HSD17B4: variants seen among roughly 807,000 people sequenced by gnomAD.
The protein encoded by HSD17B4 is hydroxysteroid 17-beta dehydrogenase 4, also known as peroxisomal multifunctional enzyme type 2.
HSD17B4 carries 70 observed loss-of-function variants against 101.0 expected under a neutral mutation model. The ratio of observed to expected loss-of-function variants is 0.69; its 90% confidence interval spans 0.57 to 0.85. The LOEUF (loss-of-function observed/expected upper bound fraction) is 0.85. Among genes scored for constraint, HSD17B4 ranks in the 40% least tolerant of loss-of-function variants. The probability of loss-of-function intolerance (pLI) is 0.00; values close to 1 mark genes in which losing one functional copy is unlikely to be tolerated. For synonymous variants in HSD17B4, 347 were observed against 297.1 expected, an observed-to-expected ratio of 1.17 and a Z score of -1.73; for missense variants, 984 against 892.4, an observed-to-expected ratio of 1.10 and a Z score of -1.31.
intron 13 of HSD17B4, among the ~76,000 whole-genome samples, chr5:119,500,465 C>A (rs890674024): frequency 6.6e-6 from 1 of 151,688 alleles, no homozygotes; most frequent in Non-Finnish European, 1.5e-5. Context: ...TATACATACA[C>A]ATTTATTTTA....
intron 17 of HSD17B4, among the ~76,000 whole-genome samples, chr5:119,515,322 T>G (rs1438361313): frequency 1.3e-5 from 2 of 152,134 alleles, no homozygotes; most frequent in African/African-American, 4.8e-5. Flanking sequence ...ATGGAGTGCT[T>G]TCTTTGGAGA....
At chr5:119,510,968 T>C (rs1358847992) in intron 16 of HSD17B4, among the ~76,000 whole-genome samples, 1 of 152,210 alleles carries the variant, frequency 6.6e-6, no homozygotes, top group Non-Finnish European at 1.5e-5. Flanking sequence ...GTGGAGACTT[T>C]ACCCTACCTG....
chr5:119,463,692 G>C (rs2546202), intron 2 of HSD17B4, among the ~76,000 whole-genome samples: 2 of 97,102 alleles, frequency 2.1e-5, no homozygotes, highest in Non-Finnish European at 3.9e-5. Context: ...TTTTAAGAAA[G>C]AGTGTTACTC....
intron 1 of HSD17B4, chr5:119,452,884 G>T (rs1754207757): frequency 6.5e-7 from 1 of 1,527,572 alleles, no homozygotes; most frequent in Non-Finnish European, 8.8e-7. Context: ...TGAGAGGAGA[G>T]GCCAGGCTGG....
chr5:119,495,802 C>G (rs1038916480), intron 11 of HSD17B4: 1 of 164,140 alleles, frequency 6.1e-6, no homozygotes, highest in Non-Finnish European at 1.3e-5. Flanking sequence ...TCCCAAGTAG[C>G]TGGGATTACA....
chr5:119,502,449 T>C (rs1286742681), intron 14 of HSD17B4, among the ~76,000 whole-genome samples: 1 of 152,142 alleles, frequency 6.6e-6, no homozygotes, highest in Non-Finnish European at 1.5e-5. Context: ...TTTATACTGA[T>C]TTTCATAAAG....
At chr5:119,503,339 A>G (rs1315048283) in intron 14 of HSD17B4, among the ~76,000 whole-genome samples, 1 of 152,156 alleles carries the variant, frequency 6.6e-6, no homozygotes, top group Non-Finnish European at 1.5e-5. Flanking sequence ...AGTGATGTGA[A>G]TAGGAAGGTG....
intron 12 of HSD17B4, 146 bp downstream of exon 12, chr5:119,496,792 A>C: frequency 1.3e-6 from 1 of 740,780 alleles, no homozygotes; most frequent in Non-Finnish European, 2.5e-6. Context: ...GGAGAGAAGC[A>C]GTGGCAGAGA....
At chr5:119,479,122 A>AT (rs1748876357) in intron 8 of HSD17B4, 101 bp downstream of exon 8, 4 of 882,774 alleles carry the variant, frequency 4.5e-6, no homozygotes, top group African/African-American at 1.7e-5. Flanking sequence ...AAAAATTATT[A>AT]TTTTTTTCAA....
At chr5:119,476,496 T>G in intron 6 of HSD17B4, 1 of 901,810 alleles carries the variant, frequency 1.1e-6, no homozygotes, top group Non-Finnish European at 1.3e-6. Flanking sequence ...GCATGGCAAC[T>G]GAGGTGAAAC....
chr5:119,526,235 T>G (rs973354932), intron 19 of HSD17B4, among the ~76,000 whole-genome samples: 1 of 151,634 alleles, frequency 6.6e-6, no homozygotes, highest in African/African-American at 2.4e-5. Context: ...CAGTTGCAAT[T>G]TTGACAGATT....
rs371682983 is a variant in HSD17B4, at chr5:119,502,106, A to C, written c.1261+14A>C. On this transcript the variant is annotated intron_variant, in intron 14 of 23. Coordinates refer to ENST00000510025, the MANE Select transcript of HSD17B4 (RefSeq NM_000414.4). ...TTCCCAGAGCAGGTGAGTTATTGAT[A>C]TACTAATTCCATAATACCATACTTT... 6.7e-7 allele frequency: 1 copy of C among 1,487,598 alleles called. No individual in the cohort carries two copies. The highest frequency in any genetic ancestry group is 9.4e-7 in the Non-Finnish European group (1 of 1,065,102). 92.1% of individuals were successfully genotyped at this position (1,487,598 alleles called of 1,614,324 possible).
chr5:119,479,475 T>C (rs1436713707), intron 8 of HSD17B4, among the ~76,000 whole-genome samples: 1 of 152,180 alleles, frequency 6.6e-6, no homozygotes, highest in African/African-American at 2.4e-5. Flanking sequence ...ATGGAGCCGT[T>C]ATGATAAGCT....
chr5:119,482,810 G>A (rs1479831474), intron 8 of HSD17B4, among the ~76,000 whole-genome samples: 2 of 152,050 alleles, frequency 1.3e-5, no homozygotes, highest in Non-Finnish European at 2.9e-5. Flanking sequence ...ATTGGGGAGG[G>A]GAAGTGTTCT....
intron 2 of HSD17B4, among the ~76,000 whole-genome samples, chr5:119,463,351 C>T (rs563395082): frequency 4.5e-4 from 69 of 152,236 alleles, no homozygotes; most frequent in African/African-American, 1.6e-3. Flanking sequence ...TACTGATTTC[C>T]TTTCCTTTGG....
intron 2 of HSD17B4, among the ~76,000 whole-genome samples, chr5:119,459,799 G>A (rs530757873): frequency 1.3e-5 from 2 of 151,718 alleles, no homozygotes; most frequent in South Asian, 4.2e-4. Context: ...TAATCTATTA[G>A]TCCATGAATA....
intron 8 of HSD17B4, among the ~76,000 whole-genome samples, chr5:119,481,495 T>C (rs1177690335): frequency 6.6e-6 from 1 of 152,200 alleles, no homozygotes; most frequent in Non-Finnish European, 1.5e-5. Flanking sequence ...TGATTGTAGA[T>C]CACCACAATA....
At chr5:119,506,144 C>G (rs535937493) in intron 14 of HSD17B4, among the ~76,000 whole-genome samples, 13 of 151,936 alleles carry the variant, frequency 8.6e-5, no homozygotes, top group African/African-American at 3.1e-4. Flanking sequence ...TTAGGTATTT[C>G]TCCTAATGTT....
chr5:119,511,641 T>C (rs925505674), intron 16 of HSD17B4, among the ~76,000 whole-genome samples: 1 of 152,012 alleles, frequency 6.6e-6, no homozygotes, highest in Non-Finnish European at 1.5e-5. Flanking sequence ...ACCAGTGTCA[T>C]CGTAGGGTGA....
Sources: gnomAD v4.1 joint callset for allele counts (sites outside exome capture counted in the v4.1 genomes callset) on GRCh38, gnomAD v4.1.1 for gene constraint, MANE v1.5 for transcripts, NCBI Gene and HGNC (gene_info 2026-07-23, HGNC 2026-07-21) for gene names.